Variants in CALM2 observed in about 807,000 individuals in gnomAD.
CALM2 encodes the protein calmodulin 2, also known as calmodulin-2.
Under a neutral mutation model 19.8 loss-of-function variants are expected in CALM2, and 2 were observed. The ratio of observed to expected loss-of-function variants is 0.10; its 90% CI spans 0.04 to 0.32. The LOEUF is 0.32. CALM2 is among the 10% of genes least tolerant of loss of function. The pLI, the probability that CALM2 is intolerant of heterozygous loss-of-function variation, is 1.00. For synonymous variants in CALM2, 51 were observed against 52.1 expected (o/e 0.98, Z 0.09); for missense variants, 38 against 178.7 (o/e 0.21, Z 4.49).
intron 2 of CALM2, among the ~76,000 whole-genome samples, chr2:47,166,361 T>C (rs1265855028): frequency 1.3e-5 from 2 of 152,214 alleles, no homozygotes; most frequent in Non-Finnish European, 2.9e-5. Flanking sequence ...AAATTCCCAA[T>C]GTTTAATTAG....
At chr2:47,176,919 C>G (rs996118875), upstream of CALM2, 2 of 985,330 alleles carry the variant, frequency 2.0e-6, no homozygotes, top group African/African-American at 3.5e-5. Context: ...CTGCTCGGGC[C>G]GCGCTGTCCT....
At chr2:47,172,536 C>A in intron 1 of CALM2, 1 of 1,145,196 alleles carries the variant, frequency 8.7e-7, no homozygotes, top group Non-Finnish European at 1.2e-6. Flanking sequence ...ACCTGACTAG[C>A]TCAATTTCCA....
intron 1 of CALM2, chr2:47,171,982 T>TAAAAAAAAAAAAAAAAAAAAA: frequency 9.6e-6 from 1 of 104,080 alleles, no homozygotes; most frequent in Non-Finnish European, 1.8e-5. Context: ...TCAAATTCAT[T>TAAAAAAAAAAAAAAAAAAAAA]AAAAAAAAAA....
chr2:47,161,870 T>A lies in CALM2; in HGVS notation c.286-12A>T. 6.3e-7 allele frequency: 1 copy of A among 1,599,652 alleles called. No homozygotes were observed. The highest frequency in any genetic ancestry group is 8.5e-7 in the Non-Finnish European group (1 of 1,173,610). ...TAGCCATTGCCATCCTAGCAAAAAA[T>A]TTAGTATAGTTTCTGAGTCAAATTA... On this transcript the variant is annotated splice_polypyrimidine_tract_variant and intron_variant, in intron 4 of 5. Coordinates refer to ENST00000272298, the MANE Select transcript of CALM2 (RefSeq NM_001743.6).
intron 2 of CALM2, among the ~76,000 whole-genome samples, chr2:47,164,338 C>G (rs1444091286): frequency 1.7e-4 from 23 of 133,496 alleles, no homozygotes; most frequent in African/African-American, 6.4e-4. Flanking sequence ...AGTCCCCCGT[C>G]TCTACTAAAA....
intron 2 of CALM2, among the ~76,000 whole-genome samples, chr2:47,164,347 AAC>A (rs61085424): frequency 0.013 from 1,762 of 139,826 alleles, 19 homozygotes; most frequent in African/African-American, 0.018. Context: ...TCTCTACTAA[AAC>A]ACACACACAC....
At position 47,160,720 on chromosome 2, in the gene CALM2, G is replaced by C; in HGVS notation, c.*56C>G. 2 of 1,042,346 alleles carry C rather than the reference G, an allele frequency of 1.9e-6. No homozygotes were observed. Among genetic ancestry groups the C allele is most frequent in the African/African-American group, 1.6e-5 (1 of 60,750 alleles). 64.6% of individuals were successfully genotyped at this position (1,042,346 alleles called of 1,614,324 possible). A position where few individuals can be genotyped will look rare whatever the true frequency, so the allele number is the denominator to read the frequency against. On this transcript the variant is annotated 3_prime_UTR_variant, in exon 6 of 6. Coordinates refer to ENST00000272298, the MANE Select transcript of CALM2 (RefSeq NM_001743.6). ...CTTTTACAGATAAGTTACAAACAAA[G>C]AAAAGGCAAATAAACAATTTTGTAC...
chr2:47,166,542 G>C (rs1476669493), intron 2 of CALM2, among the ~76,000 whole-genome samples: 1 of 152,116 alleles, frequency 6.6e-6, no homozygotes, highest in East Asian at 1.9e-4. Flanking sequence ...AATACCATTT[G>C]TTATTCATTC....
Position 47,161,704 on chromosome 2 carries a change from G to A in CALM2, c.421+19C>T, listed in dbSNP as rs779412690. 37 of 1,601,528 alleles carry A rather than the reference G, an allele frequency of 2.3e-5. No homozygotes were observed. Among genetic ancestry groups the A allele is most frequent in the Admixed American group, 5.1e-5 (3 of 58,416 alleles). ...TAAAAATCAAAGTGAAGAATGAGGC[G>A]TGAGACTGAAACATTTACCTTCATA... is the stretch of plus-strand genomic sequence containing the variant. On this transcript the variant is annotated intron_variant, in intron 5 of 5. Transcript: ENST00000272298.
At chr2:47,173,598 A>C (rs779581620) in intron 1 of CALM2, 1 of 152,234 alleles carries the variant, frequency 6.6e-6, no homozygotes, top group African/African-American at 2.4e-5. Context: ...CATTTCCTAC[A>C]TGCCATTCAA....
intron 2 of CALM2, among the ~76,000 whole-genome samples, chr2:47,166,384 T>C (rs1477353784): frequency 6.6e-6 from 1 of 152,214 alleles, no homozygotes; most frequent in African/African-American, 2.4e-5. Context: ...GTAATCACCT[T>C]TCTATTACAT....
At chr2:47,175,780 A>AGCGGGGCGGCGGCTCCGGGTCCC (rs1666840596) in intron 1 of CALM2, among the ~76,000 whole-genome samples, 1 of 149,632 alleles carries the variant, frequency 6.7e-6, no homozygotes, top group Non-Finnish European at 1.5e-5. Context: ...AGCGGGGCCG[A>AGCGGGGCGGCGGCTCCGGGTCCC]GCGGGGCGGC....
upstream of CALM2, chr2:47,176,526 G>T (rs981485918): frequency 4.4e-6 from 7 of 1,586,444 alleles, no homozygotes; most frequent in South Asian, 3.4e-5. Flanking sequence ...CGCCTCCTCC[G>T]CCCCCAGCGC....
chr2:47,171,040 A>C (rs983599116), intron 1 of CALM2: 2 of 367,250 alleles, frequency 5.4e-6, no homozygotes, highest in Admixed American at 4.1e-5. Flanking sequence ...CAACGTTAGA[A>C]TAGCTAAACT....
chr2:47,168,916 T>C (rs1225766873), intron 2 of CALM2, among the ~76,000 whole-genome samples: 5 of 152,112 alleles, frequency 3.3e-5, no homozygotes, highest in Non-Finnish European at 5.9e-5. Flanking sequence ...TGGCTGGGAT[T>C]ACAGGTGCAC....
At chr2:47,176,359 G>T in intron 1 of CALM2, 82 bp downstream of exon 1, 1 of 1,542,272 alleles carries the variant, frequency 6.5e-7, no homozygotes. Context: ...GTGTAAGGGA[G>T]GCGAGTTTCC....
At chr2:47,171,727 T>C (rs1263302177) in intron 1 of CALM2, 6 of 152,148 alleles carry the variant, frequency 3.9e-5, no homozygotes, top group Non-Finnish European at 8.8e-5. Context: ...AGAAATAGCC[T>C]CCTATCTAAA....
At chr2:47,176,019 C>A (rs564358914) in intron 1 of CALM2, among the ~76,000 whole-genome samples, 2 of 152,278 alleles carry the variant, frequency 1.3e-5, no homozygotes, top group East Asian at 3.9e-4. Flanking sequence ...CGCTTCCTGG[C>A]GCCCGCACTA....
chr2:47,169,218 G>A (rs529732393), intron 2 of CALM2, among the ~76,000 whole-genome samples: 8 of 152,306 alleles, frequency 5.3e-5, no homozygotes, highest in African/African-American at 1.9e-4. Flanking sequence ...ATTAAGAAAT[G>A]TATTACAGAA....
Sources: gnomAD v4.1 joint callset for allele counts (sites outside exome capture counted in the v4.1 genomes callset) on GRCh38, gnomAD v4.1.1 for gene constraint, MANE v1.5 for transcripts, NCBI Gene and HGNC (gene_info 2026-07-23, HGNC 2026-07-21) for gene names.